Variants in TAF1B observed in about 807,000 individuals in gnomAD.
TAF1B encodes TATA-box binding protein associated factor, RNA polymerase I subunit B.
TAF1B carries 61 observed loss-of-function variants against 83.9 expected under a neutral mutation model. The ratio of observed to expected loss-of-function variants is 0.73; its 90% CI spans 0.59 to 0.90. The LOEUF is 0.90. TAF1B is among the 40% of genes least tolerant of loss of function. TAF1B has a pLI of 0.00. For missense variants in TAF1B, 625 were observed against 677.0 expected, an observed-to-expected ratio of 0.92 and a Z score of 0.85; for synonymous variants, 221 against 224.6, an observed-to-expected ratio of 0.98 and a Z score of 0.14.
intron 5 of TAF1B, among the ~76,000 whole-genome samples, chr2:9,860,055 G>T (rs1274290448): frequency 6.6e-6 from 1 of 152,198 alleles, no homozygotes; most frequent in Non-Finnish European, 1.5e-5. Context: ...AGAGTGTGCA[G>T]GGGGAAATGC....
chr2:9,918,679 T>A (rs1010050949), intron 12 of TAF1B, among the ~76,000 whole-genome samples: 2 of 152,222 alleles, frequency 1.3e-5, no homozygotes, highest in Non-Finnish European at 2.9e-5. Flanking sequence ...CAAAAAGGCA[T>A]TGGGACAAAG....
intron 5 of TAF1B, among the ~76,000 whole-genome samples, chr2:9,855,563 A>G (rs990457457): frequency 1.3e-5 from 2 of 152,160 alleles, no homozygotes; most frequent in Admixed American, 1.3e-4. Flanking sequence ...TGCCCTATAT[A>G]GTCCCAGCTA....
chr2:9,874,293 G>A (rs1010609477), intron 6 of TAF1B, among the ~76,000 whole-genome samples: 3 of 152,078 alleles, frequency 2.0e-5, no homozygotes, highest in African/African-American at 7.3e-5. Flanking sequence ...CTTACTTTCT[G>A]AATTAATTCA....
intron 5 of TAF1B, among the ~76,000 whole-genome samples, chr2:9,866,725 G>T (rs1298328820): frequency 1.3e-5 from 2 of 152,156 alleles, no homozygotes; most frequent in African/African-American, 4.8e-5. Flanking sequence ...AGAAAATGTG[G>T]CACATACACA....
intron 8 of TAF1B, among the ~76,000 whole-genome samples, chr2:9,896,947 T>C (rs1665038204): frequency 6.6e-6 from 1 of 152,210 alleles, no homozygotes; most frequent in Non-Finnish European, 1.5e-5. Context: ...TTGTGATTCC[T>C]GAGCCCAAGT....
At chr2:9,926,868 G>A (rs992752712) in intron 14 of TAF1B, among the ~76,000 whole-genome samples, 3 of 151,198 alleles carry the variant, frequency 2.0e-5, no homozygotes, top group Non-Finnish European at 4.4e-5. Context: ...TCAGATTCAG[G>A]TTTAACTTTT....
At chr2:9,916,834 G>GTTGTTTTTT (rs1572282272) in intron 12 of TAF1B, among the ~76,000 whole-genome samples, 2 of 44,846 alleles carry the variant, frequency 4.5e-5, no homozygotes, top group African/African-American at 9.1e-5. Context: ...TTTCCTTTCT[G>GTTGTTTTTT]TTCTTTTTTT....
chr2:9,845,365 G>T, intron 2 of TAF1B, 47 bp downstream of exon 2: 1 of 1,503,546 alleles, frequency 6.7e-7, no homozygotes, highest in African/African-American at 1.4e-5. Context: ...TTTAAAAATT[G>T]CCATTTCAGC....
chr2:9,884,432 C>T (rs759512306), intron 8 of TAF1B, among the ~76,000 whole-genome samples: 90 of 152,184 alleles, frequency 5.9e-4, no homozygotes, highest in Non-Finnish European at 1.2e-3. Context: ...GTCCTGAGTT[C>T]GTGTCCTGCA....
intron 14 of TAF1B, among the ~76,000 whole-genome samples, chr2:9,932,960 G>A (rs551689761): frequency 6.6e-6 from 1 of 152,342 alleles, no homozygotes; most frequent in Admixed American, 6.5e-5. Context: ...AGGCTCCGTG[G>A]GCGAGGGACC....
At chr2:9,887,078 T>A (rs1256583130) in intron 8 of TAF1B, among the ~76,000 whole-genome samples, 1 of 152,072 alleles carries the variant, frequency 6.6e-6, no homozygotes, top group African/African-American at 2.4e-5. Context: ...AAAAAAAGAT[T>A]TATATTGCCC....
At chr2:9,888,802 T>G (rs1391202406) in intron 8 of TAF1B, among the ~76,000 whole-genome samples, 15 of 142,138 alleles carry the variant, frequency 1.1e-4, no homozygotes, top group Non-Finnish European at 1.8e-4. Flanking sequence ...TTTTTTTTTT[T>G]TTTTTTTTTT....
At chr2:9,865,336 C>T (rs1663934889) in intron 5 of TAF1B, among the ~76,000 whole-genome samples, 1 of 152,166 alleles carries the variant, frequency 6.6e-6, no homozygotes, top group South Asian at 2.1e-4. Flanking sequence ...AACTCCCATT[C>T]ACAGTTGCTT....
chr2:9,847,110 G>A (rs905232860), intron 2 of TAF1B, among the ~76,000 whole-genome samples: 1 of 152,112 alleles, frequency 6.6e-6, no homozygotes, highest in Non-Finnish European at 1.5e-5. Flanking sequence ...GATTCTGTTT[G>A]ATCAAATCTG....
At chr2:9,849,527 C>A in intron 3 of TAF1B, 67 bp downstream of exon 3, 1 of 1,209,668 alleles carries the variant, frequency 8.3e-7, no homozygotes, top group Non-Finnish European at 1.1e-6. Context: ...GATGTCAGGA[C>A]ATGGAATGGA....
At chr2:9,919,484 C>T in intron 13 of TAF1B, 114 bp from the exon 14 acceptor site, 2 of 858,428 alleles carry the variant, frequency 2.3e-6, no homozygotes, top group East Asian at 2.5e-5. Flanking sequence ...TACTGTGGTA[C>T]ATCTGCGAAA....
rs1358306453 is a variant in TAF1B, at chr2:9,913,264, C to T, written c.1271+15C>T. Reference sequence around the variant, plus strand: ...GCAAGGGCCAAGTATGTTCTCCTTCCTGGTTTAGATGCACCTGCCTTACTT... The same window carrying T: ...GCAAGGGCCAAGTATGTTCTCCTTCTTGGTTTAGATGCACCTGCCTTACTT... On this transcript the variant is annotated intron_variant, in intron 12 of 14. Coordinates refer to ENST00000263663, the MANE Select transcript of TAF1B (RefSeq NM_005680.3). 6.2e-7 allele frequency: 1 copy of T among 1,603,960 alleles called. No individual in the cohort carries two copies. Among genetic ancestry groups the T allele is most frequent in the East Asian group, 2.2e-5 (1 of 44,796 alleles).
intron 7 of TAF1B, among the ~76,000 whole-genome samples, chr2:9,876,522 CAG>C (rs1414250836): frequency 1.3e-5 from 2 of 152,166 alleles, no homozygotes; most frequent in African/African-American, 2.4e-5. Context: ...GGATAATCTA[CAG>C]AGTGTTTTGG....
At chr2:9,854,531 G>A in intron 5 of TAF1B, 110 bp downstream of exon 5, 2 of 746,992 alleles carry the variant, frequency 2.7e-6, no homozygotes, top group Non-Finnish European at 2.2e-6. Context: ...GCTTGTCAGA[G>A]GATTTTCAGT....
Sources: allele counts gnomAD v4.1 joint callset (sites outside exome capture counted in the v4.1 genomes callset), GRCh38; gene constraint gnomAD v4.1.1; transcripts MANE v1.5; gene names NCBI Gene and HGNC (gene_info 2026-07-23, HGNC 2026-07-21).